NDUFAF2: variants seen among roughly 807,000 people sequenced by gnomAD.
The protein encoded by NDUFAF2 is NADH:ubiquinone oxidoreductase complex assembly factor 2, also known as NADH dehydrogenase [ubiquinone] 1 alpha subcomplex assembly factor 2.
A neutral mutation model predicts 22.8 loss-of-function variants in NDUFAF2; 13 were observed. That is an observed-to-expected ratio of 0.57 (90% CI 0.37 to 0.91). NDUFAF2 has a LOEUF of 0.91. Among genes scored for constraint, NDUFAF2 ranks in the 40% least tolerant of loss-of-function variants. The pLI, the probability that NDUFAF2 is intolerant of heterozygous loss-of-function variation, is 0.01. For synonymous variants in NDUFAF2, 53 were observed against 64.2 expected (o/e 0.83, Z 0.84); for missense variants, 162 against 195.2 (o/e 0.83, Z 1.01).
At chr5:60,954,671 A>G (rs949607189) in intron 1 of NDUFAF2, among the ~76,000 whole-genome samples, 1 of 151,456 alleles carries the variant, frequency 6.6e-6, no homozygotes, top group African/African-American at 2.4e-5. Flanking sequence ...CAAGGAACTC[A>G]TGACCTCAAG....
At chr5:61,087,943 C>T (rs965938557) in intron 2 of NDUFAF2, among the ~76,000 whole-genome samples, 1 of 152,100 alleles carries the variant, frequency 6.6e-6, no homozygotes, top group African/African-American at 2.4e-5. Flanking sequence ...TTCTGTGCAT[C>T]AGGAGCCCAA....
At chr5:61,050,208 A>G (rs895431341) in intron 1 of NDUFAF2, among the ~76,000 whole-genome samples, 2 of 152,004 alleles carry the variant, frequency 1.3e-5, no homozygotes, top group African/African-American at 4.8e-5. Context: ...CAAGGGTTCC[A>G]GTTTCTTTAC....
At chr5:61,078,003 C>T (rs930824294) in intron 2 of NDUFAF2, among the ~76,000 whole-genome samples, 1 of 152,184 alleles carries the variant, frequency 6.6e-6, no homozygotes, top group Non-Finnish European at 1.5e-5. Context: ...TATAACTTGG[C>T]TAACTCCTAT....
At chr5:61,055,821 T>A (rs1267229142) in intron 1 of NDUFAF2, among the ~76,000 whole-genome samples, 1 of 152,174 alleles carries the variant, frequency 6.6e-6, no homozygotes, top group Non-Finnish European at 1.5e-5. Flanking sequence ...CATGTAAAAA[T>A]TAAACATAAT....
At position 60,949,470 on chromosome 5, in the gene NDUFAF2, A is replaced by C. The variant is rs1223230028; in HGVS notation, c.127+4088A>C. ...AGGGCATTTGAGTTTAGTTACTTGC[A>C]GTTTTTGGTGATTATGAATACAGCT... On this transcript the variant is annotated intron_variant, in intron 1 of 3. Transcript: ENST00000296597. Among the ~76,000 whole-genome samples, 3 of 152,184 alleles carry C rather than the reference A, an allele frequency of 2.0e-5. No individual in the cohort carries two copies. In the East Asian group the frequency reaches 5.8e-4, roughly 29 times the overall value.
chr5:61,060,798 A>G (rs1200285485), intron 1 of NDUFAF2, among the ~76,000 whole-genome samples: 1 of 152,244 alleles, frequency 6.6e-6, no homozygotes, highest in African/African-American at 2.4e-5. Context: ...CAAGAATTAT[A>G]TATGCTTGTG....
chr5:61,097,548 A>G (rs1415085845), intron 2 of NDUFAF2, among the ~76,000 whole-genome samples: 1 of 152,234 alleles, frequency 6.6e-6, no homozygotes, highest in Non-Finnish European at 1.5e-5. Flanking sequence ...GCTGGCTGTT[A>G]GAGCTGGTCA....
At chr5:60,977,875 TC>T (rs1234007035) in intron 1 of NDUFAF2, among the ~76,000 whole-genome samples, 1 of 150,540 alleles carries the variant, frequency 6.6e-6, no homozygotes, top group Non-Finnish European at 1.5e-5. Context: ...CCAGCAGTCA[TC>T]CAGTCACCTC....
intron 1 of NDUFAF2, among the ~76,000 whole-genome samples, chr5:60,980,727 T>C (rs1228092757): frequency 5.3e-5 from 8 of 152,092 alleles, no homozygotes; most frequent in Admixed American, 1.3e-4. Flanking sequence ...GAGCTGAGAT[T>C]GCACCACTGC....
intron 1 of NDUFAF2, among the ~76,000 whole-genome samples, chr5:61,053,060 A>G (rs145845905): frequency 5.3e-5 from 8 of 152,146 alleles, no homozygotes; most frequent in Admixed American, 5.2e-4. Flanking sequence ...AAAAATCTCC[A>G]TTATGTGTTC....
intron 1 of NDUFAF2, among the ~76,000 whole-genome samples, chr5:60,976,689 T>A (rs979293400): frequency 1.3e-5 from 2 of 152,222 alleles, no homozygotes; most frequent in African/African-American, 4.8e-5. Flanking sequence ...CCTCTAAAAT[T>A]TGATTTTCAT....
chr5:61,003,198 GC>G (rs1751319548), intron 1 of NDUFAF2, among the ~76,000 whole-genome samples: 2 of 152,042 alleles, frequency 1.3e-5, no homozygotes, highest in Admixed American at 1.3e-4. Flanking sequence ...CAGATTCTCT[GC>G]AATCAACGTT....
At chr5:61,104,209 C>G (rs902812993) in intron 3 of NDUFAF2, among the ~76,000 whole-genome samples, 9 of 152,102 alleles carry the variant, frequency 5.9e-5, no homozygotes, top group African/African-American at 2.2e-4. Context: ...ATTCACATTT[C>G]ACAGAGCTAA....
intron 3 of NDUFAF2, among the ~76,000 whole-genome samples, chr5:61,147,663 T>C (rs1741162960): frequency 6.6e-6 from 1 of 152,132 alleles, no homozygotes; most frequent in African/African-American, 2.4e-5. Context: ...TTTATAACTG[T>C]ACTTTCCAAT....
At chr5:61,045,293 A>G (rs984223526) in intron 1 of NDUFAF2, among the ~76,000 whole-genome samples, 1 of 147,132 alleles carries the variant, frequency 6.8e-6, no homozygotes, top group Middle Eastern at 3.6e-3. Flanking sequence ...ATTTTATTAA[A>G]TTTTAATAAA....
intron 1 of NDUFAF2, among the ~76,000 whole-genome samples, chr5:60,977,805 C>A (rs1392340916): frequency 4.1e-5 from 6 of 146,384 alleles, no homozygotes; most frequent in Non-Finnish European, 8.9e-5. Flanking sequence ...ACACTGCACT[C>A]CAGTCTGGGC....
At chr5:61,118,194 C>T (rs1752936274) in intron 3 of NDUFAF2, among the ~76,000 whole-genome samples, 1 of 152,122 alleles carries the variant, frequency 6.6e-6, no homozygotes, top group Non-Finnish European at 1.5e-5. Context: ...ACTATGGTGT[C>T]TTGCCTTGCA....
At chr5:61,104,663 A>G (rs1487246868) in intron 3 of NDUFAF2, among the ~76,000 whole-genome samples, 1 of 152,076 alleles carries the variant, frequency 6.6e-6, no homozygotes, top group Non-Finnish European at 1.5e-5. Flanking sequence ...TTCATGTCTA[A>G]GGTTGCTTGG....
intron 1 of NDUFAF2, among the ~76,000 whole-genome samples, chr5:60,968,345 C>T (rs1750784741): frequency 1.3e-5 from 2 of 151,732 alleles, no homozygotes; most frequent in South Asian, 4.1e-4. Flanking sequence ...TTTATCTGCT[C>T]TGATATTTTT....
Sources: allele counts gnomAD v4.1 joint callset (sites outside exome capture counted in the v4.1 genomes callset), GRCh38; gene constraint gnomAD v4.1.1; transcripts MANE v1.5; gene names NCBI Gene and HGNC (gene_info 2026-07-23, HGNC 2026-07-21).